PLXNC1: variants seen among roughly 807,000 people sequenced by gnomAD.
PLXNC1 encodes the protein plexin C1.
Under a neutral mutation model 178.2 loss-of-function variants are expected in PLXNC1, and 75 were observed. The observed-to-expected ratio is 0.42, with a 90% CI of 0.35 to 0.51. The LOEUF (loss-of-function observed/expected upper bound fraction) is 0.51, where lower values mean the gene tolerates loss of function less well. PLXNC1 is among the 20% of genes least tolerant of loss of function. The pLI is 0.02. For synonymous variants in PLXNC1, 790 were observed against 779.9 expected, an observed-to-expected ratio of 1.01 and a Z score of -0.22; for missense variants, 1,503 against 1,984.4, an observed-to-expected ratio of 0.76 and a Z score of 4.61.
chr12:94,194,296 T>A (rs1010325752), intron 4 of PLXNC1, among the ~76,000 whole-genome samples: 8 of 152,172 alleles, frequency 5.3e-5, no homozygotes, highest in African/African-American at 1.9e-4. Context: ...ACACTGAGGA[T>A]TACAATTGAA....
At chr12:94,294,359 A>AT in intron 23 of PLXNC1, 127 bp from the exon 24 acceptor site, 1 of 573,440 alleles carries the variant, frequency 1.7e-6, no homozygotes, top group Non-Finnish European at 3.3e-6. Flanking sequence ...GAACATAGTA[A>AT]TTCTTGATAA....
intron 5 of PLXNC1, among the ~76,000 whole-genome samples, chr12:94,219,811 A>ATTTATTTGTTTG (rs1555200403): frequency 3.5e-5 from 3 of 85,300 alleles, no homozygotes; most frequent in Admixed American, 1.0e-4. Context: ...ATTTTTATTT[A>ATTTATTTGTTTG]TTTATTTATT....
intron 5 of PLXNC1, among the ~76,000 whole-genome samples, chr12:94,214,673 T>G (rs1963592606): frequency 6.6e-6 from 1 of 152,216 alleles, no homozygotes; most frequent in Non-Finnish European, 1.5e-5. Flanking sequence ...ACATGTTAAA[T>G]AAAACAAACT....
At chr12:94,276,566 T>C (rs1210612905) in intron 21 of PLXNC1, among the ~76,000 whole-genome samples, 2 of 152,226 alleles carry the variant, frequency 1.3e-5, no homozygotes, top group Non-Finnish European at 2.9e-5. Flanking sequence ...CTGGCTTCAA[T>C]TCCTGGTTCT....
chr12:94,190,880 T>C (rs1403280301), intron 4 of PLXNC1, among the ~76,000 whole-genome samples: 1 of 152,234 alleles, frequency 6.6e-6, no homozygotes, highest in Non-Finnish European at 1.5e-5. Context: ...CACATCTTTC[T>C]ATGGCAGACT....
intron 10 of PLXNC1, among the ~76,000 whole-genome samples, chr12:94,238,833 G>A (rs898563540): frequency 4.6e-5 from 7 of 152,264 alleles, no homozygotes; most frequent in Admixed American, 2.0e-4. Flanking sequence ...GATGAGAAAA[G>A]CTGCTCATTG....
At chr12:94,254,552 G>GT in intron 15 of PLXNC1, 1 of 659,714 alleles carries the variant, frequency 1.5e-6, no homozygotes, top group Non-Finnish European at 2.8e-6. Flanking sequence ...TAAGGTTTTG[G>GT]TTTTTTTCTG....
chr12:94,182,566 A>C (rs1004082892), intron 3 of PLXNC1, among the ~76,000 whole-genome samples: 10 of 151,950 alleles, frequency 6.6e-5, no homozygotes, highest in Non-Finnish European at 1.5e-4. Flanking sequence ...TCCACTAAAA[A>C]TACAAACAAT....
At chr12:94,221,432 G>T (rs147202624) in intron 6 of PLXNC1, among the ~76,000 whole-genome samples, 14 of 152,248 alleles carry the variant, frequency 9.2e-5, no homozygotes, top group African/African-American at 3.1e-4. Flanking sequence ...GAGAGAAGTG[G>T]ATTCAATAGA....
intron 23 of PLXNC1, among the ~76,000 whole-genome samples, chr12:94,292,494 T>A (rs1967438113): frequency 6.6e-6 from 1 of 152,184 alleles, no homozygotes; most frequent in African/African-American, 2.4e-5. Flanking sequence ...ATATGCAAAT[T>A]TTGTGATTTT....
At chr12:94,229,026 G>A (rs58722401) in intron 9 of PLXNC1, among the ~76,000 whole-genome samples, 14,325 of 152,168 alleles carry the variant, frequency 0.094, 827 homozygotes, top group African/African-American at 0.15. Flanking sequence ...CACCAACAGT[G>A]CACAAGGGTT....
chr12:94,284,392 G>A (rs2136156917), intron 23 of PLXNC1, among the ~76,000 whole-genome samples: 1 of 152,286 alleles, frequency 6.6e-6, no homozygotes, highest in African/African-American at 2.4e-5. Context: ...GCAGCTTGGA[G>A]GTTAGAAGCA....
At chr12:94,286,377 A>T (rs943294185) in intron 23 of PLXNC1, among the ~76,000 whole-genome samples, 1 of 152,140 alleles carries the variant, frequency 6.6e-6, no homozygotes, top group Admixed American at 6.5e-5. Context: ...TGCTTGGAGA[A>T]AATCATCCCC....
At position 94,247,970 on chromosome 12, in the gene PLXNC1, G is replaced by C. The variant is rs749338839; in HGVS notation, c.2456G>C (p.Arg819Pro). ...LAPSLKSSKV[R>P]TNVTVKLRVQ... ...CCCAGTTTAAAGAGTTCAAAAGTGC[G>C]CACGAATGTCACTGTGAAGCTGAGA... is the stretch of plus-strand genomic sequence containing the variant. The change falls in exon 13 of 31, where the codon CGC (arginine) becomes CCC (proline). Residue 819 changes from arginine to proline, a missense_variant. By Grantham distance (103) the Arg-to-Pro change is moderately radical (BLOSUM62 -2). This residue lies in a region of PLXNC1 where 639 missense variants were observed against 979.7 expected (regional missense o/e 0.65). Coordinates refer to ENST00000258526, the MANE Select transcript of PLXNC1 (RefSeq NM_005761.3). The C allele has an allele frequency of 2.5e-6, 4 of 1,614,056 alleles. No homozygotes were observed. The highest frequency in any genetic ancestry group is 2.5e-6 in the Non-Finnish European group (3 of 1,180,018).
chr12:94,211,245 A>G (rs998104174), intron 5 of PLXNC1, among the ~76,000 whole-genome samples: 6 of 152,296 alleles, frequency 3.9e-5, no homozygotes, highest in Admixed American at 2.6e-4. Context: ...TAATCTTCCC[A>G]GAGACTTCCC....
At chr12:94,150,225 G>T (rs1960906922) in intron 1 of PLXNC1, among the ~76,000 whole-genome samples, 192 bp downstream of exon 1, 1 of 152,188 alleles carries the variant, frequency 6.6e-6, no homozygotes, top group Non-Finnish European at 1.5e-5. Flanking sequence ...CTGGAGCACG[G>T]CCTGAGGTCC....
At chr12:94,295,232 C>G (rs1967784401) in intron 24 of PLXNC1, among the ~76,000 whole-genome samples, 3 of 152,310 alleles carry the variant, frequency 2.0e-5, no homozygotes, top group African/African-American at 7.2e-5. Flanking sequence ...CTTCTGGATT[C>G]ACTATTAGAA....
chr12:94,161,623 G>C (rs1464718263), intron 1 of PLXNC1, among the ~76,000 whole-genome samples: 4 of 152,190 alleles, frequency 2.6e-5, no homozygotes, highest in Non-Finnish European at 5.9e-5. Flanking sequence ...CTAAAGTACT[G>C]TGTTTACTTC....
intron 17 of PLXNC1, among the ~76,000 whole-genome samples, chr12:94,257,758 T>G (rs995143397): frequency 2.6e-4 from 39 of 151,448 alleles, no homozygotes; most frequent in African/African-American, 9.5e-4. Context: ...TACAAAAAAA[T>G]TAGCCAGGCA....
Sources: gnomAD v4.1 joint callset for allele counts (sites outside exome capture counted in the v4.1 genomes callset) on GRCh38, gnomAD v4.1.1 for gene constraint, gnomAD v4.1.1 regional missense constraint, MANE v1.5 for transcripts, NCBI Gene and HGNC (gene_info 2026-07-23, HGNC 2026-07-21) for gene names.